Variants in DPP10 observed in about 807,000 individuals in gnomAD.
The protein encoded by DPP10 is inactive dipeptidyl peptidase 10.
A neutral mutation model predicts 120.9 loss-of-function variants in DPP10; 33 were observed. The ratio of observed to expected loss-of-function variants is 0.27; its 90% CI spans 0.21 to 0.37. DPP10 has a LOEUF of 0.37. DPP10 is among the 10% of genes least tolerant of loss of function. DPP10 has a pLI of 1.00. For synonymous variants in DPP10, 337 were observed against 326.1 expected (o/e 1.03, Z -0.36); for missense variants, 816 against 942.8 (o/e 0.87, Z 1.76).
intron 5 of DPP10, among the ~76,000 whole-genome samples, chr2:115,681,112 A>T (rs1005344727): frequency 6.6e-6 from 1 of 151,882 alleles, no homozygotes; most frequent in African/African-American, 2.4e-5. Flanking sequence ...AGCATGTAGG[A>T]CTATAAATTG....
intron 1 of DPP10, among the ~76,000 whole-genome samples, chr2:115,114,093 C>T (rs2049373374): frequency 6.6e-6 from 1 of 152,166 alleles, no homozygotes; most frequent in Non-Finnish European, 1.5e-5. Context: ...TTCTGCCCAC[C>T]ACCATTGCTC....
intron 1 of DPP10, among the ~76,000 whole-genome samples, chr2:115,061,367 CA>C (rs1239197036): frequency 6.6e-6 from 1 of 152,070 alleles, no homozygotes. Context: ...ATGGCTTTTG[CA>C]GCTGACAGTT....
intron 10 of DPP10, among the ~76,000 whole-genome samples, chr2:115,752,794 A>G (rs1194229091): frequency 2.0e-5 from 3 of 152,212 alleles, no homozygotes; most frequent in Admixed American, 6.5e-5. Flanking sequence ...TTATAAATGT[A>G]TACTTGTTTT....
chr2:114,918,230 AT>A (rs771482839), intron 1 of DPP10, among the ~76,000 whole-genome samples: 2 of 152,338 alleles, frequency 1.3e-5, no homozygotes, highest in South Asian at 4.1e-4. Flanking sequence ...AGAAATGCAA[AT>A]CAAAACAGCA....
chr2:115,049,626 A>G (rs1394865461), intron 1 of DPP10, among the ~76,000 whole-genome samples: 2 of 152,170 alleles, frequency 1.3e-5, no homozygotes, highest in African/African-American at 4.8e-5. Flanking sequence ...TATTGCCTTC[A>G]TTCATATCAA....
chr2:115,183,868 G>T (rs921819089), intron 1 of DPP10, among the ~76,000 whole-genome samples: 2 of 152,096 alleles, frequency 1.3e-5, no homozygotes, highest in African/African-American at 4.8e-5. Context: ...AGGAGGAGGG[G>T]AATCCAGAGG....
chr2:115,432,311 A>G (rs2071066792), intron 3 of DPP10, among the ~76,000 whole-genome samples: 1 of 152,100 alleles, frequency 6.6e-6, no homozygotes, highest in South Asian at 2.1e-4. Flanking sequence ...TGAAAGAAAG[A>G]CGATGCAATT....
intron 1 of DPP10, among the ~76,000 whole-genome samples, chr2:114,602,129 C>T (rs945167291): frequency 1.3e-5 from 2 of 151,208 alleles, no homozygotes; most frequent in African/African-American, 4.9e-5. Flanking sequence ...AGGAAAATAC[C>T]AATGGTATTT....
At chr2:115,558,308 AT>A (rs1258889016) in intron 5 of DPP10, among the ~76,000 whole-genome samples, 1 of 152,206 alleles carries the variant, frequency 6.6e-6, no homozygotes, top group African/African-American at 2.4e-5. Context: ...AGATCTGCAC[AT>A]AATTTAGAAC....
Position 115,449,140 on chromosome 2 carries a change from T to A in DPP10, c.272-50370T>A, listed in dbSNP as rs1476886902. On this transcript the variant is annotated intron_variant, in intron 3 of 25. Transcript: ENST00000410059. The stretch of plus-strand genomic sequence containing the variant: ...AAAATTAACTCCTCCACTTTAAGTT[T>A]GATTTACGCAAAAAAATTGTACATT... Among the ~76,000 whole-genome samples, 4 of 152,148 alleles carry A rather than the reference T, an allele frequency of 2.6e-5. No homozygotes were observed. The East Asian group carries it at 5.8e-4, about 22-fold the overall frequency.
At chr2:115,148,679 C>CT (rs1573786890) in intron 1 of DPP10, among the ~76,000 whole-genome samples, 1 of 152,116 alleles carries the variant, frequency 6.6e-6, no homozygotes, top group Non-Finnish European at 1.5e-5. Context: ...GACAAGAACT[C>CT]TATTAGGCAC....
chr2:115,064,675 T>C lies in DPP10; in HGVS notation c.61-244564T>C, dbSNP rs1247816333. Reference sequence around the variant, plus strand: ...GTTGAGAACTGGAAGCATGAGTGAGTGACATGCAAGGAACTGACATTGAAG... The same window carrying C: ...GTTGAGAACTGGAAGCATGAGTGAGCGACATGCAAGGAACTGACATTGAAG... On this transcript the variant is annotated intron_variant, in intron 1 of 25. Transcript: ENST00000410059. The C allele has an allele frequency of 4.6e-6, 6 of 1,294,102 alleles. No homozygotes were observed. In the Admixed American group the frequency reaches 1.2e-4, roughly 25 times the overall value. 80.2% of individuals were successfully genotyped at this position (1,294,102 alleles called of 1,614,324 possible).
intron 1 of DPP10, among the ~76,000 whole-genome samples, chr2:114,497,157 A>T (rs1489176445): frequency 1.4e-5 from 2 of 143,498 alleles, no homozygotes; most frequent in Non-Finnish European, 3.0e-5. Context: ...GTATACATGT[A>T]GGTGTACACG....
intron 1 of DPP10, among the ~76,000 whole-genome samples, chr2:114,642,716 TA>T (rs796957702): frequency 2.9e-4 from 42 of 143,868 alleles, no homozygotes; most frequent in Middle Eastern, 3.6e-3. Context: ...ACACAGCCCA[TA>T]AAAAAAAAAA....
chr2:114,808,764 C>T (rs1048934872), intron 1 of DPP10, among the ~76,000 whole-genome samples: 1 of 152,096 alleles, frequency 6.6e-6, no homozygotes, highest in Non-Finnish European at 1.5e-5. Flanking sequence ...TGTACCTGCT[C>T]TTTCCTCTCC....
At position 115,022,972 on chromosome 2, in the gene DPP10, C is replaced by A. The variant is rs188992336; in HGVS notation, c.61-286267C>A. 3.0e-3 allele frequency among the ~76,000 whole-genome samples: 462 copies of A among 152,208 alleles called. 3 individuals are homozygous for A. Among genetic ancestry groups the A allele is most frequent in the African/African-American group, 0.01 (436 of 41,550 alleles). ...ATGCAGAAGAATGAAACTGGATCCT[C>A]ACCTTTCACCTTATACAAAAATCAA... On this transcript the variant is annotated intron_variant, in intron 1 of 25. Coordinates refer to ENST00000410059, the MANE Select transcript of DPP10 (RefSeq NM_020868.6).
intron 2 of DPP10, among the ~76,000 whole-genome samples, chr2:115,332,161 G>A (rs1269433255): frequency 6.6e-6 from 1 of 151,868 alleles, no homozygotes; most frequent in Non-Finnish European, 1.5e-5. Context: ...GGGAGGGTGT[G>A]TGTGTCCAGG....
rs1310507943 is a variant in DPP10 at position 115,087,533 on chromosome 2, C to CTTTTTTTTTTTTTTTTTTTTTTTT, written c.61-221702_61-221701insTTTTTTTTTTTTTTTTTTTTTTTT. Among the ~76,000 whole-genome samples the CTTTTTTTTTTTTTTTTTTTTTTTT allele has an allele frequency of 5.4e-5, 5 of 92,590 alleles. 1 individual carries two copies. In the South Asian group the frequency reaches 1.3e-3, roughly 24 times the overall value. The allele number at this position is 92,590 out of a possible 152,430, so 60.7% of individuals were successfully genotyped here. A position where few individuals can be genotyped will look rare whatever the true frequency, so the allele number is the denominator to read the frequency against. ...TCTTTTTCTTTCTTTCTTTTCTTTT[C>CTTTTTTTTTTTTTTTTTTTTTTTT]TTTTCTTTTTTTTTTTTTTTTTTGA... On this transcript the variant is annotated intron_variant, in intron 1 of 25. Coordinates refer to ENST00000410059, the MANE Select transcript of DPP10 (RefSeq NM_020868.6).
At position 115,205,401 on chromosome 2, in the gene DPP10, T is replaced by A. The variant is rs1559236832; in HGVS notation, c.61-103838T>A. 2.6e-5 allele frequency among the ~76,000 whole-genome samples: 4 copies of A among 152,130 alleles called. No individual in the cohort carries two copies. In the South Asian group the frequency reaches 8.3e-4, roughly 32 times the overall value. ...GACTTTGTCAAAGATCAGATGGTTT[T>A]AGGTGTGCGGTGCGGCTTCAGTTGG... On this transcript the variant is annotated intron_variant, in intron 1 of 25. Transcript: ENST00000410059.
Sources: gnomAD v4.1 joint callset for allele counts (sites outside exome capture counted in the v4.1 genomes callset) on GRCh38, gnomAD v4.1.1 for gene constraint, MANE v1.5 for transcripts, NCBI Gene and HGNC (gene_info 2026-07-23, HGNC 2026-07-21) for gene names.